The following DNAJC1 variants were observed in gnomAD, a reference collection of about 807,000 sequenced individuals.
DNAJC1 encodes the protein DnaJ heat shock protein family (Hsp40) member C1.
DNAJC1 carries 58 observed loss-of-function variants against 76.6 expected under a neutral mutation model. The ratio of observed to expected loss-of-function variants is 0.76; its 90% confidence interval spans 0.61 to 0.94. The LOEUF is 0.94. Among genes scored for constraint, DNAJC1 ranks in the 40% least tolerant of loss-of-function variants. The probability of loss-of-function intolerance (pLI) is 0.00; values close to 1 mark genes in which losing one functional copy is unlikely to be tolerated. For missense variants in DNAJC1, 689 were observed against 677.3 expected (o/e 1.02, Z -0.19); for synonymous variants, 258 against 267.9 (o/e 0.96, Z 0.36).
At chr10:21,776,718 T>A (rs115638374) in intron 9 of DNAJC1, among the ~76,000 whole-genome samples, 4 of 152,176 alleles carry the variant, frequency 2.6e-5, no homozygotes, top group Non-Finnish European at 5.9e-5. Context: ...TCTGTCTAGA[T>A]AGAAAAATAT....
chr10:21,991,041 C>A (rs1000790677), intron 1 of DNAJC1, among the ~76,000 whole-genome samples: 1 of 152,136 alleles, frequency 6.6e-6, no homozygotes, highest in East Asian at 1.9e-4. Flanking sequence ...AAAGAGCCAA[C>A]AGATTGGCAC....
chr10:21,813,391 CT>C (rs35150177), intron 8 of DNAJC1, among the ~76,000 whole-genome samples: 99,359 of 132,798 alleles, frequency 0.75, 37,627 homozygotes, highest in East Asian at 0.97. Context: ...GGCAAACAGT[CT>C]TTTTTTTTTT....
At chr10:21,845,048 A>G (rs1409850748) in intron 8 of DNAJC1, among the ~76,000 whole-genome samples, 3 of 152,302 alleles carry the variant, frequency 2.0e-5, no homozygotes, top group East Asian at 1.9e-4. Flanking sequence ...CAAAAAATTT[A>G]TATGTGTACA....
rs559700878 is a variant in DNAJC1, at chr10:21,996,977, C to A, written c.222+6236G>T. On this transcript the variant is annotated intron_variant, in intron 1 of 11. Coordinates refer to ENST00000376980, the MANE Select transcript of DNAJC1 (RefSeq NM_022365.4). ...GAAAGGTTATCTACCATTCTAGATT[C>A]TGTGTATCTCTTTCTCCAAATTAAA... Among the ~76,000 whole-genome samples, 4 of 152,298 alleles carry A rather than the reference C, an allele frequency of 2.6e-5. No individual in the cohort carries two copies. The East Asian group carries it at 7.7e-4, about 29-fold the overall frequency.
At chr10:21,771,096 C>T (rs1414536670) in intron 9 of DNAJC1, among the ~76,000 whole-genome samples, 3 of 151,988 alleles carry the variant, frequency 2.0e-5, no homozygotes, top group Non-Finnish European at 4.4e-5. Context: ...TCAAGTTGTT[C>T]ATTGTAAATG....
At chr10:22,000,594 C>A (rs1838502898) in intron 1 of DNAJC1, among the ~76,000 whole-genome samples, 1 of 152,242 alleles carries the variant, frequency 6.6e-6, no homozygotes, top group Non-Finnish European at 1.5e-5. Flanking sequence ...CCTTGAATGT[C>A]CTTCTACCAT....
chr10:22,000,190 C>T (rs1838496339), intron 1 of DNAJC1, among the ~76,000 whole-genome samples: 1 of 152,194 alleles, frequency 6.6e-6, no homozygotes, highest in South Asian at 2.1e-4. Context: ...TGTTGAAATT[C>T]AATCCAGAAT....
At chr10:21,803,881 A>C (rs2131640619) in intron 9 of DNAJC1, 1 of 982,172 alleles carries the variant, frequency 1.0e-6, no homozygotes, top group East Asian at 1.1e-4. Context: ...AAAAAAACCC[A>C]AAAAACAAAA....
intron 9 of DNAJC1, among the ~76,000 whole-genome samples, chr10:21,771,327 G>A (rs1455649268): frequency 6.6e-6 from 1 of 152,142 alleles, no homozygotes; most frequent in African/African-American, 2.4e-5. Flanking sequence ...CTGAATAGAA[G>A]AAGCAAGAGC....
intron 8 of DNAJC1, among the ~76,000 whole-genome samples, chr10:21,851,795 C>T (rs1835759134): frequency 6.6e-6 from 1 of 152,110 alleles, no homozygotes; most frequent in African/African-American, 2.4e-5. Flanking sequence ...TGGTTCATGC[C>T]TGTAATCCCA....
intron 1 of DNAJC1, among the ~76,000 whole-genome samples, chr10:21,937,417 T>A (rs1350250774): frequency 6.6e-6 from 1 of 151,982 alleles, no homozygotes; most frequent in Admixed American, 6.6e-5. Flanking sequence ...CAAGAAGATA[T>A]AACAATATAA....
Position 21,857,108 on chromosome 10 carries a change from A to C in DNAJC1, c.978+25174T>G, listed in dbSNP as rs1293059386. On this transcript the variant is annotated intron_variant, in intron 8 of 11. Transcript: ENST00000376980. Reference sequence around the variant, plus strand: ...TGGAATACTCCATAATACAATTAACAACTATCCTTATTAATAAAGAAGGAT... The same window carrying C: ...TGGAATACTCCATAATACAATTAACCACTATCCTTATTAATAAAGAAGGAT... 2.0e-5 allele frequency among the ~76,000 whole-genome samples: 3 copies of C among 152,334 alleles called. No individual in the cohort carries two copies. In the South Asian group the frequency reaches 6.2e-4, roughly 32 times the overall value.
At chr10:21,855,253 G>A (rs1835816034) in intron 8 of DNAJC1, among the ~76,000 whole-genome samples, 1 of 152,032 alleles carries the variant, frequency 6.6e-6, no homozygotes, top group Admixed American at 6.6e-5. Context: ...TTTCTGTCAC[G>A]ATGATCAAAA....
intron 8 of DNAJC1, among the ~76,000 whole-genome samples, chr10:21,815,672 T>A (rs1259693544): frequency 6.6e-6 from 1 of 152,096 alleles, no homozygotes; most frequent in Non-Finnish European, 1.5e-5. Flanking sequence ...TATTTCTCTA[T>A]TTTTTTATGG....
chr10:21,773,639 G>A (rs1834416689), intron 9 of DNAJC1, among the ~76,000 whole-genome samples: 1 of 152,124 alleles, frequency 6.6e-6, no homozygotes, highest in African/African-American at 2.4e-5. Flanking sequence ...AGGTGAAAGG[G>A]AGGTATTGAA....
At chr10:21,874,392 C>G (rs983961494) in intron 8 of DNAJC1, among the ~76,000 whole-genome samples, 3 of 150,330 alleles carry the variant, frequency 2.0e-5, no homozygotes, top group Admixed American at 6.6e-5. Flanking sequence ...TGTGCTCCAG[C>G]AGCCTGGGCA....
intron 9 of DNAJC1, among the ~76,000 whole-genome samples, chr10:21,769,942 T>TC (rs769940703): frequency 7.1e-4 from 108 of 152,256 alleles, no homozygotes; most frequent in Non-Finnish European, 9.4e-4. Flanking sequence ...CACCTCGGCC[T>TC]CCCAAAGTGC....
At chr10:21,887,060 T>C (rs1443459448) in intron 7 of DNAJC1, among the ~76,000 whole-genome samples, 3 of 152,106 alleles carry the variant, frequency 2.0e-5, no homozygotes, top group East Asian at 1.9e-4. Context: ...TACAAATCAA[T>C]GTACAAAAAT....
chr10:21,886,241 TA>T (rs1487221542), intron 7 of DNAJC1, among the ~76,000 whole-genome samples: 1 of 151,996 alleles, frequency 6.6e-6, no homozygotes, highest in Non-Finnish European at 1.5e-5. Context: ...AAGAGATGGA[TA>T]AATTCCTGGA....
Sources: allele counts gnomAD v4.1 joint callset (sites outside exome capture counted in the v4.1 genomes callset), GRCh38; gene constraint gnomAD v4.1.1; transcripts MANE v1.5; gene names NCBI Gene and HGNC (gene_info 2026-07-23, HGNC 2026-07-21).